RAP1GAP2: variants seen among roughly 807,000 people sequenced by gnomAD.
RAP1GAP2 encodes the protein rap1 GTPase-activating protein 2.
Under a neutral mutation model 95.0 loss-of-function variants are expected in RAP1GAP2, and 27 were observed. The observed-to-expected ratio is 0.28, with a 90% CI of 0.21 to 0.39. RAP1GAP2 has a LOEUF of 0.39. Among genes scored for constraint, RAP1GAP2 ranks in the 10% least tolerant of loss-of-function variants. The probability of loss-of-function intolerance (pLI) is 1.00; values close to 1 mark genes in which losing one functional copy is unlikely to be tolerated. For synonymous variants in RAP1GAP2, 373 were observed against 380.9 expected (o/e 0.98, Z 0.24); for missense variants, 771 against 970.0 (o/e 0.79, Z 2.72).
In RAP1GAP2 at chr17:2,967,924, C is replaced by G. The variant is rs1006830309; in HGVS notation, c.596+2281C>G. 2.6e-5 allele frequency among the ~76,000 whole-genome samples: 4 copies of G among 152,228 alleles called. No individual in the cohort carries two copies. The South Asian group carries it at 8.3e-4, about 32-fold the overall frequency. On this transcript the variant is annotated intron_variant, in intron 8 of 24. Transcript: ENST00000254695. ...AGCCTGTGTGTGCCATGAGAGTAGC[C>G]AAGAAGAATCTACCCACAGTTTGGA...
chr17:2,877,169 G>GT (rs1228562712), intron 2 of RAP1GAP2, among the ~76,000 whole-genome samples: 5 of 152,086 alleles, frequency 3.3e-5, no homozygotes, highest in Admixed American at 6.6e-5. Flanking sequence ...AATTACAGGC[G>GT]TGAGCCACTG....
At chr17:3,032,650 T>G (rs1319416171) in intron 24 of RAP1GAP2, among the ~76,000 whole-genome samples, 2 of 152,118 alleles carry the variant, frequency 1.3e-5, no homozygotes, top group Non-Finnish European at 2.9e-5. Context: ...GGAAGGGGGT[T>G]CCCAGTGACA....
rs34468461 is a variant in RAP1GAP2, at chr17:2,969,496, CTTTTTTTTTTTTT to C, written c.596+3864_596+3876del. 8.0e-3 allele frequency among the ~76,000 whole-genome samples: 670 copies of C among 83,814 alleles called. 13 individuals carry two copies. The highest frequency in any genetic ancestry group is 0.028 in the African/African-American group (624 of 22,000). The allele number at this position is 83,814 out of a possible 152,430, so 55.0% of individuals were successfully genotyped here. On this transcript the variant is annotated intron_variant, in intron 8 of 24. Transcript: ENST00000254695. ...GTAAAGATGTGTAAATATATATATTCTTTTTTTTTTTTTTTTTTTTTTTGAGATGGAGTCTTGC... is the reference window on the plus strand; with the variant it reads ...GTAAAGATGTGTAAATATATATATTCTTTTTTTTTTGAGATGGAGTCTTGC...
intron 4 of RAP1GAP2, among the ~76,000 whole-genome samples, chr17:2,959,841 T>C (rs1475481660): frequency 2.0e-5 from 3 of 152,132 alleles, no homozygotes; most frequent in Admixed American, 2.0e-4. Context: ...TAATACCCAT[T>C]GTGGCCAGTT....
At chr17:2,991,239 C>A in intron 11 of RAP1GAP2, 58 bp from the exon 12 acceptor site, 1 of 1,368,566 alleles carries the variant, frequency 7.3e-7, no homozygotes, top group Non-Finnish European at 1.0e-6. Context: ...CATATTCCTT[C>A]CTTTAGCATC....
At chr17:2,820,621 A>G (rs1402971472) in intron 2 of RAP1GAP2, among the ~76,000 whole-genome samples, 1 of 139,992 alleles carries the variant, frequency 7.1e-6, no homozygotes, top group African/African-American at 2.9e-5. Context: ...CACCGTCTCA[A>G]AAAAAAAAAA....
At chr17:2,987,881 G>A (rs2045609161) in intron 11 of RAP1GAP2, among the ~76,000 whole-genome samples, 2 of 152,088 alleles carry the variant, frequency 1.3e-5, no homozygotes, top group African/African-American at 4.8e-5. Context: ...GAAGTGATTG[G>A]GTAGGCTAGA....
In RAP1GAP2 at chr17:2,855,118, C is replaced by T. The variant is rs2072077654; in HGVS notation, c.81-50166C>T. On this transcript the variant is annotated intron_variant, in intron 2 of 24. Coordinates refer to ENST00000254695, the MANE Select transcript of RAP1GAP2 (RefSeq NM_015085.5). The surrounding 1 kb of genome is among the most constrained non-coding windows in gnomAD (Gnocchi z 4.3). ...GGTGGTAGGCAGGGAATACGGGGGA[C>T]TTTGAGAAGCTGGCATGGATTGCCC... is the stretch of plus-strand genomic sequence containing the variant. Among the ~76,000 whole-genome samples the T allele has an allele frequency of 6.6e-6, 1 of 152,174 alleles. No individual in the cohort carries two copies. The highest frequency in any genetic ancestry group is 1.5e-5 in the Non-Finnish European group (1 of 68,034).
intron 3 of RAP1GAP2, among the ~76,000 whole-genome samples, chr17:2,940,139 G>T (rs938714916): frequency 3.9e-5 from 6 of 152,170 alleles, no homozygotes; most frequent in African/African-American, 1.4e-4. Context: ...GAGGGGGTGG[G>T]GAACAGAGCC....
chr17:2,988,767 G>C (rs1418364407), intron 11 of RAP1GAP2, among the ~76,000 whole-genome samples: 1 of 152,148 alleles, frequency 6.6e-6, no homozygotes, highest in African/African-American at 2.4e-5. Context: ...GTTTAGTTTT[G>C]TAAGAAACTG....
intron 2 of RAP1GAP2, among the ~76,000 whole-genome samples, chr17:2,810,460 A>G (rs2069716279): frequency 6.8e-6 from 1 of 148,128 alleles, no homozygotes; most frequent in African/African-American, 2.5e-5. Flanking sequence ...TGCTGCACCC[A>G]TTAACTCGTC....
intron 3 of RAP1GAP2, among the ~76,000 whole-genome samples, chr17:2,936,599 C>A (rs1401238033): frequency 1.3e-5 from 2 of 152,108 alleles, no homozygotes; most frequent in East Asian, 1.9e-4. Flanking sequence ...TAGTTACCCT[C>A]CCCCGGTGCC....
At position 2,904,563 on chromosome 17, in the gene RAP1GAP2, T is replaced by TGTGTGTGTGTGTGTGTGTGTGTGTGTGC; in HGVS notation, c.81-715_81-714insGTGTGTGTGTGTGTGTGTGTGCGTGTGT. ...GTGTGTGTGTGTGTGTGTGTGTGTG[T>TGTGTGTGTGTGTGTGTGTGTGTGTGTGC]GTGTGTACGTGCAGAGGGGCTCAAG... is the stretch of plus-strand genomic sequence containing the variant. On this transcript the variant is annotated intron_variant, in intron 2 of 24. Transcript: ENST00000254695. The surrounding 1 kb of genome is among the most constrained non-coding windows in gnomAD (Gnocchi z 4.7). Among the ~76,000 whole-genome samples, 1 of 151,754 alleles carries TGTGTGTGTGTGTGTGTGTGTGTGTGTGC rather than the reference T, an allele frequency of 6.6e-6. No individual in the cohort carries two copies. The highest frequency in any genetic ancestry group is 2.4e-5 in the African/African-American group (1 of 41,316).
chr17:2,865,418 C>T (rs980360469), intron 2 of RAP1GAP2, among the ~76,000 whole-genome samples: 1 of 152,152 alleles, frequency 6.6e-6, no homozygotes, highest in Non-Finnish European at 1.5e-5. Context: ...AAAGGTCTGT[C>T]CTGTCAGGTG....
intron 3 of RAP1GAP2, among the ~76,000 whole-genome samples, chr17:2,938,315 C>T (rs1046876008): frequency 6.6e-6 from 1 of 152,176 alleles, no homozygotes; most frequent in Admixed American, 6.5e-5. Flanking sequence ...GGAGCTGTTT[C>T]TCCCACACCA....
intron 2 of RAP1GAP2, among the ~76,000 whole-genome samples, chr17:2,802,752 G>A (rs968361717): frequency 2.0e-5 from 3 of 152,052 alleles, no homozygotes; most frequent in African/African-American, 4.8e-5. Context: ...GAGTAGTCCC[G>A]AAAGGCTGCC....
chr17:2,839,167 G>A (rs968328031), intron 2 of RAP1GAP2, among the ~76,000 whole-genome samples: 1 of 152,036 alleles, frequency 6.6e-6, no homozygotes, highest in Non-Finnish European at 1.5e-5. Flanking sequence ...GCAGGACATG[G>A]TGGCGGACGC....
In RAP1GAP2 at chr17:3,027,687, A is replaced by G. The variant is rs1248535925; in HGVS notation, c.2107+617A>G. Among the ~76,000 whole-genome samples the G allele has an allele frequency of 1.3e-5, 2 of 149,712 alleles. No individual in the cohort carries two copies. The highest frequency in any genetic ancestry group is 3.0e-5 in the Non-Finnish European group (2 of 67,590). On this transcript the variant is annotated intron_variant, in intron 22 of 24. Coordinates refer to ENST00000254695, the MANE Select transcript of RAP1GAP2 (RefSeq NM_015085.5). This position sits in a 1 kb window ranked among gnomAD's most constrained non-coding sequence, Gnocchi z 5.2. ...TTGGAGTGTTTGAAGGTTCTTAAGTAGGGAAGCACCATCTGGAGTTGAGAA... is the reference window on the plus strand; with the variant it reads ...TTGGAGTGTTTGAAGGTTCTTAAGTGGGGAAGCACCATCTGGAGTTGAGAA...
intron 1 of RAP1GAP2, among the ~76,000 whole-genome samples, chr17:2,758,247 CT>C (rs2071185568): frequency 7.3e-6 from 1 of 137,186 alleles, no homozygotes; most frequent in African/African-American, 2.7e-5. Flanking sequence ...GTGATCTTGG[CT>C]TACTGCAACC....
Sources: gnomAD v4.1 joint callset for allele counts (sites outside exome capture counted in the v4.1 genomes callset) on GRCh38, gnomAD v4.1.1 for gene constraint, Gnocchi (gnomAD v3.1) non-coding constraint, MANE v1.5 for transcripts, NCBI Gene and HGNC (gene_info 2026-07-23, HGNC 2026-07-21) for gene names.